PCDHGB3: variants seen among roughly 807,000 people sequenced by gnomAD.
PCDHGB3 encodes protocadherin gamma subfamily B, 3, also known as protocadherin gamma-B3.
PCDHGB3 carries 40 observed loss-of-function variants against 59.2 expected under a neutral mutation model. The observed-to-expected ratio is 0.68, with a 90% confidence interval of 0.52 to 0.88. The LOEUF (loss-of-function observed/expected upper bound fraction) is 0.88. Ranked by LOEUF, PCDHGB3 falls within the 40% of genes least tolerant of loss-of-function variation. The pLI is 0.00. For synonymous variants in PCDHGB3, 581 were observed against 503.6 expected (o/e 1.15, Z -2.06); for missense variants, 1,309 against 1,187.9 (o/e 1.10, Z -1.50).
chr5:141,474,597 T>C (rs1454833258), intron 1 of PCDHGB3, among the ~76,000 whole-genome samples: 2 of 152,248 alleles, frequency 1.3e-5, no homozygotes, highest in Non-Finnish European at 2.9e-5. Flanking sequence ...CATGGAAATA[T>C]AGGTCACATA....
chr5:141,399,753 G>T (rs1418820057), intron 1 of PCDHGB3: 8 of 1,613,370 alleles, frequency 5.0e-6, no homozygotes, highest in Non-Finnish European at 6.8e-6. Context: ...GCGCAAACGT[G>T]AGCCTGCGCG....
Position 141,370,311 on chromosome 5 carries a change from A to G in PCDHGB3, c.-84A>G. 8 of 1,247,000 alleles carry G rather than the reference A, an allele frequency of 6.4e-6. No homozygotes were observed. The highest frequency in any genetic ancestry group is 8.9e-6 in the Non-Finnish European group (8 of 901,492). 77.2% of individuals were successfully genotyped at this position (1,247,000 alleles called of 1,614,324 possible). A position where few individuals can be genotyped will look rare whatever the true frequency, so the allele number is the denominator to read the frequency against. ...ACCCAAGCACAAAGACAAAGCAAAT[A>G]GTTGGTCCTGCTCGGAGAACTCTTG... On this transcript the variant is annotated 5_prime_UTR_variant, in exon 1 of 4. The change creates a new upstream start codon in the 5' untranslated region. Transcript: ENST00000576222.
chr5:141,422,040 C>A, intron 1 of PCDHGB3: 1 of 1,611,442 alleles, frequency 6.2e-7, no homozygotes, highest in Non-Finnish European at 8.5e-7. Context: ...CGGATCCAGA[C>A]GAGGGAATCA....
At position 141,476,666 on chromosome 5, in the gene PCDHGB3, G is replaced by A. The variant is rs2099395856; in HGVS notation, c.2416-18141G>A. On this transcript the variant is annotated intron_variant, in intron 1 of 3. Coordinates refer to ENST00000576222, the MANE Select transcript of PCDHGB3 (RefSeq NM_018924.5). The surrounding 1 kb of genome is among the most constrained non-coding windows in gnomAD (Gnocchi z 7.6). The stretch of plus-strand genomic sequence containing the variant: ...CCGAAATGAATACTTTGCGCTTCGC[G>A]TGCAGACGCGGGAGGACAGCACCAA... 6.2e-7 allele frequency: 1 copy of A among 1,614,128 alleles called. No individual in the cohort carries two copies.
chr5:141,428,267 T>C, intron 1 of PCDHGB3: 1 of 796,264 alleles, frequency 1.3e-6, no homozygotes, highest in Non-Finnish European at 2.1e-6. Context: ...GACAGTCCTG[T>C]GCCCTCTGAT....
At chr5:141,461,354 C>T (rs1189322704) in intron 1 of PCDHGB3, among the ~76,000 whole-genome samples, 2 of 152,054 alleles carry the variant, frequency 1.3e-5, no homozygotes, top group Non-Finnish European at 2.9e-5. Context: ...GGTGGTAGCT[C>T]GTTGTGGTTT....
Position 141,485,751 on chromosome 5 carries a change from A to G in PCDHGB3, c.2416-9056A>G. ...CGCAGCGACGGCAGCCTGGTCCCAG[A>G]GCTGCTCCTGGAGAAGCCTTTGGAT... is the stretch of plus-strand genomic sequence containing the variant. On this transcript the variant is annotated intron_variant, in intron 1 of 3. Coordinates refer to ENST00000576222, the MANE Select transcript of PCDHGB3 (RefSeq NM_018924.5). This position sits in a 1 kb window ranked among gnomAD's most constrained non-coding sequence, Gnocchi z 5.7. 6.2e-7 allele frequency: 1 copy of G among 1,614,166 alleles called. No individual in the cohort carries two copies. Among genetic ancestry groups the G allele is most frequent in the Non-Finnish European group, 8.5e-7 (1 of 1,179,998 alleles).
intron 1 of PCDHGB3, chr5:141,382,967 C>T (rs779802932): frequency 6.2e-7 from 1 of 1,609,176 alleles, no homozygotes; most frequent in Non-Finnish European, 8.5e-7. Context: ...CTGGGGACCC[C>T]CTGGGAAGCC....
intron 1 of PCDHGB3, among the ~76,000 whole-genome samples, chr5:141,429,503 C>T (rs890656634): frequency 1.3e-5 from 2 of 151,922 alleles, no homozygotes; most frequent in Admixed American, 6.6e-5. Context: ...TTGCCTGAAA[C>T]TGTGCCTGGC....
intron 2 of PCDHGB3, among the ~76,000 whole-genome samples, chr5:141,501,333 A>ACACC (rs1186649373): frequency 5.5e-4 from 77 of 140,128 alleles, no homozygotes; most frequent in African/African-American, 6.0e-4. Context: ...ACACACACAC[A>ACACC]CCCCAAACTC....
Position 141,372,324 on chromosome 5 carries a change from G to C in PCDHGB3, c.1930G>C (p.Val644Leu). 2 of 1,613,704 alleles carry C rather than the reference G, an allele frequency of 1.2e-6. No individual in the cohort carries two copies. Among genetic ancestry groups the C allele is most frequent in the South Asian group, 2.2e-5 (2 of 91,086 alleles). ...DREAARQRLLVTVRDGGQQPL... is the reference protein window; with the variant it reads ...DREAARQRLLLTVRDGGQQPL... Reference sequence around the variant, plus strand: ...GGAGGCCGCCCGCCAGCGCCTGCTGGTCACTGTGCGTGATGGAGGACAGCA... The same window carrying C: ...GGAGGCCGCCCGCCAGCGCCTGCTGCTCACTGTGCGTGATGGAGGACAGCA... The change falls in exon 1 of 4, where the codon GTC becomes CTC. Residue 644 changes from valine to leucine, a missense_variant. Physicochemically the swap from Val to Leu is conservative, Grantham distance 32 (BLOSUM62 1). Coordinates refer to ENST00000576222, the MANE Select transcript of PCDHGB3 (RefSeq NM_018924.5).
rs1484954022 is a variant in PCDHGB3 at position 141,511,920 on chromosome 5, T to C, written c.*747T>C. 1 of 156,200 alleles carries C rather than the reference T, an allele frequency of 6.4e-6. No individual in the cohort carries two copies. Among genetic ancestry groups the C allele is most frequent in the Non-Finnish European group, 1.4e-5 (1 of 70,262 alleles). The allele number at this position is 156,200 out of a possible 1,614,324, so 9.7% of individuals were successfully genotyped here. The stretch of plus-strand genomic sequence containing the variant: ...CTCCTCCTCAAACAAGAGACTCCAC[T>C]GCATGTTCCAAGACAGTATGGGGTG... On this transcript the variant is annotated 3_prime_UTR_variant, in exon 4 of 4. Coordinates refer to ENST00000576222, the MANE Select transcript of PCDHGB3 (RefSeq NM_018924.5).
intron 1 of PCDHGB3, chr5:141,399,141 C>G: frequency 6.2e-7 from 1 of 1,613,778 alleles, no homozygotes; most frequent in Non-Finnish European, 8.5e-7. Flanking sequence ...ATGAAAATGA[C>G]AATAGCCCAG....
chr5:141,399,832 G>C (rs2093898646), intron 1 of PCDHGB3: 1 of 1,613,034 alleles, frequency 6.2e-7, no homozygotes, highest in Admixed American at 1.7e-5. Context: ...CGACGGCTCT[G>C]CGCTCTTCGA....
Position 141,477,665 on chromosome 5 carries a change from G to T in PCDHGB3, c.2416-17142G>T, listed in dbSNP as rs753814499. ...CTATTTCACAATAAATCGTGACAAT[G>T]GCATAGTGTCATCCTTAGTGCCCCT... is the stretch of plus-strand genomic sequence containing the variant. On this transcript the variant is annotated intron_variant, in intron 1 of 3. Coordinates refer to ENST00000576222, the MANE Select transcript of PCDHGB3 (RefSeq NM_018924.5). The surrounding 1 kb of genome is among the most constrained non-coding windows in gnomAD (Gnocchi z 4.9). 6.2e-7 allele frequency: 1 copy of T among 1,614,182 alleles called. No individual in the cohort carries two copies. The highest frequency in any genetic ancestry group is 8.5e-7 in the Non-Finnish European group (1 of 1,180,038).
intron 1 of PCDHGB3, chr5:141,376,679 T>A (rs1008866087): frequency 1.9e-6 from 1 of 528,242 alleles, no homozygotes; most frequent in Non-Finnish European, 2.9e-6. Context: ...GGGTATCGTT[T>A]TTTTTTTTTT....
intron 1 of PCDHGB3, among the ~76,000 whole-genome samples, chr5:141,401,848 T>C (rs1476670200): frequency 6.6e-6 from 1 of 152,230 alleles, no homozygotes; most frequent in Non-Finnish European, 1.5e-5. Flanking sequence ...TACCACTTAC[T>C]TTTAACCTTT....
chr5:141,424,962 C>G (rs1018789700), intron 1 of PCDHGB3, among the ~76,000 whole-genome samples: 2 of 152,116 alleles, frequency 1.3e-5, no homozygotes, highest in Admixed American at 6.6e-5. Flanking sequence ...GTATTTGCCC[C>G]AAATTACTTG....
intron 1 of PCDHGB3, among the ~76,000 whole-genome samples, chr5:141,442,703 C>A (rs1405830887): frequency 6.6e-6 from 1 of 152,218 alleles, no homozygotes; most frequent in Admixed American, 6.5e-5. Flanking sequence ...ACAAGAGTAT[C>A]AGACATGCCA....
Sources: gnomAD v4.1 joint callset for allele counts (sites outside exome capture counted in the v4.1 genomes callset) on GRCh38, gnomAD v4.1.1 for gene constraint, Gnocchi (gnomAD v3.1) non-coding constraint, MANE v1.5 for transcripts, NCBI Gene and HGNC (gene_info 2026-07-23, HGNC 2026-07-21) for gene names.